The following DLC1 variants were observed in gnomAD, a reference collection of about 807,000 sequenced individuals.
DLC1 encodes DLC1 Rho GTPase activating protein, also known as rho GTPase-activating protein 7.
Under a neutral mutation model 140.3 loss-of-function variants are expected in DLC1, and 54 were observed. The ratio of observed to expected loss-of-function variants is 0.38; its 90% CI spans 0.31 to 0.48. The LOEUF is 0.48. Among genes scored for constraint, DLC1 ranks in the 20% least tolerant of loss-of-function variants. The probability of loss-of-function intolerance (pLI) is 0.96; values close to 1 mark genes in which losing one functional copy is unlikely to be tolerated. For synonymous variants in DLC1, 986 were observed against 728.1 expected, an observed-to-expected ratio of 1.35 and a Z score of -5.70; for missense variants, 2,536 against 1,907.0, an observed-to-expected ratio of 1.33 and a Z score of -6.14.
chr8:13,265,389 T>TG (rs1175141712), intron 5 of DLC1, among the ~76,000 whole-genome samples: 1 of 152,250 alleles, frequency 6.6e-6, no homozygotes, highest in East Asian at 1.9e-4. Flanking sequence ...TGGGAGTATG[T>TG]GTGGGTAGGT....
chr8:13,401,919 G>A (rs969331551), intron 2 of DLC1, among the ~76,000 whole-genome samples: 1 of 152,042 alleles, frequency 6.6e-6, no homozygotes, highest in African/African-American at 2.4e-5. Flanking sequence ...ACCTATTTTT[G>A]GGAAAGGTTA....
intron 13 of DLC1, among the ~76,000 whole-genome samples, 175 bp downstream of exon 13, chr8:13,092,437 C>T (rs1047285835): frequency 6.6e-6 from 1 of 152,132 alleles, no homozygotes; most frequent in African/African-American, 2.4e-5. Flanking sequence ...TTCTCATGCA[C>T]GCCAACAGAC....
chr8:13,527,836 G>A (rs1182025024), intron 1 of DLC1, among the ~76,000 whole-genome samples: 1 of 152,114 alleles, frequency 6.6e-6, no homozygotes, highest in Non-Finnish European at 1.5e-5. Context: ...AGAATCCTTA[G>A]CTTTAATGGA....
rs930148837 is a variant in DLC1, at chr8:13,122,172, G to A, written c.1349-6515C>T. 2.0e-5 allele frequency among the ~76,000 whole-genome samples: 3 copies of A among 152,082 alleles called. No homozygotes were observed. In the East Asian group the frequency reaches 5.8e-4, roughly 29 times the overall value. On this transcript the variant is annotated intron_variant, in intron 5 of 17. Coordinates refer to ENST00000276297, the MANE Select transcript of DLC1 (RefSeq NM_182643.3). ...ACATATTTCATTATGTCACTCCCCT[G>A]CTTAGAATTCTTTAGTGACTTTCCA...
intron 5 of DLC1, among the ~76,000 whole-genome samples, chr8:13,121,179 C>T (rs1199558299): frequency 2.0e-5 from 3 of 152,114 alleles, no homozygotes; most frequent in Non-Finnish European, 4.4e-5. Flanking sequence ...ATTTGATAGA[C>T]ATATGGGCAA....
intron 14 of DLC1, among the ~76,000 whole-genome samples, chr8:13,090,703 T>TA (rs1817983728): frequency 6.6e-6 from 1 of 152,198 alleles, no homozygotes; most frequent in African/African-American, 2.4e-5. Context: ...TTTGGAAAGT[T>TA]AGAGTAGGGG....
At chr8:13,192,704 G>T (rs1200434371) in intron 5 of DLC1, among the ~76,000 whole-genome samples, 1 of 152,156 alleles carries the variant, frequency 6.6e-6, no homozygotes, top group East Asian at 1.9e-4. Context: ...GAGGTGAGTG[G>T]GTTAAAATGA....
chr8:13,120,340 C>T (rs1345740305), intron 5 of DLC1, among the ~76,000 whole-genome samples: 4 of 9,202 alleles, frequency 4.3e-4, no homozygotes, highest in South Asian at 5.1e-3. Context: ...GAGACTCCGT[C>T]GCAAAAAAAA....
chr8:13,499,853 A>G lies in DLC1; in HGVS notation c.219T>C (p.Phe73=). The G allele has an allele frequency of 1.9e-6, 3 of 1,614,126 alleles. No individual in the cohort carries two copies. Among genetic ancestry groups the G allele is most frequent in the Non-Finnish European group, 2.5e-6 (3 of 1,180,012 alleles). The change falls in exon 2 of 18, where the codon TTT becomes TTC. Residue 73 remains phenylalanine, a synonymous_variant. Transcript: ENST00000276297. ...DCCHGSELRD[F]PGRPMGHLSK... The stretch of plus-strand genomic sequence containing the variant: ...AAAGATGACCCATTGGCCTCCCAGG[A>G]AAATCTCTCAGCTCTGATCCATGAC...
chr8:13,132,098 A>T (rs912935462), intron 5 of DLC1, among the ~76,000 whole-genome samples: 2 of 152,090 alleles, frequency 1.3e-5, no homozygotes, highest in Admixed American at 6.5e-5. Flanking sequence ...TCTCCGGCCC[A>T]GGAACTCGCT....
chr8:13,550,355 G>A (rs1157077935), intron 1 of DLC1, among the ~76,000 whole-genome samples: 1 of 151,998 alleles, frequency 6.6e-6, no homozygotes, highest in Non-Finnish European at 1.5e-5. Context: ...GTTTCCTGAG[G>A]CCTCCCCAGC....
chr8:13,336,850 AC>A (rs1421794359), intron 4 of DLC1, among the ~76,000 whole-genome samples: 1 of 151,814 alleles, frequency 6.6e-6, no homozygotes, highest in Non-Finnish European at 1.5e-5. Context: ...ATTGATGGTA[AC>A]CCAGGGAAAC....
intron 5 of DLC1, among the ~76,000 whole-genome samples, chr8:13,174,099 T>A (rs1825635729): frequency 6.6e-6 from 1 of 152,026 alleles, no homozygotes; most frequent in Non-Finnish European, 1.5e-5. Flanking sequence ...CACTTATGAG[T>A]GGGGACTGTG....
At chr8:13,596,488 C>T (rs1033695193) in intron 1 of DLC1, among the ~76,000 whole-genome samples, 3 of 151,916 alleles carry the variant, frequency 2.0e-5, no homozygotes, top group Non-Finnish European at 4.4e-5. Context: ...AGAGGCCTTT[C>T]TTAAAGGTAA....
At chr8:13,305,848 C>G (rs1288049745) in intron 4 of DLC1, among the ~76,000 whole-genome samples, 1 of 152,126 alleles carries the variant, frequency 6.6e-6, no homozygotes, top group Non-Finnish European at 1.5e-5. Flanking sequence ...AACAAACAAA[C>G]TAACAACATT....
intron 4 of DLC1, among the ~76,000 whole-genome samples, chr8:13,350,647 C>T (rs947734710): frequency 5.9e-5 from 9 of 151,970 alleles, no homozygotes; most frequent in Admixed American, 5.2e-4. Context: ...ACCAGGGAGG[C>T]GGAGGTTGCA....
At chr8:13,578,561 G>T (rs1440368751) in intron 1 of DLC1, among the ~76,000 whole-genome samples, 1 of 152,068 alleles carries the variant, frequency 6.6e-6, no homozygotes, top group East Asian at 1.9e-4. Flanking sequence ...AATATTAACA[G>T]GTTGTCATCT....
At chr8:13,298,584 C>G (rs1832055960) in intron 5 of DLC1, among the ~76,000 whole-genome samples, 1 of 152,176 alleles carries the variant, frequency 6.6e-6, no homozygotes, top group Non-Finnish European at 1.5e-5. Context: ...AGAGAAGACA[C>G]ACAGCTAAGC....
intron 1 of DLC1, among the ~76,000 whole-genome samples, chr8:13,582,165 G>A (rs1027419882): frequency 1.3e-5 from 2 of 152,032 alleles, no homozygotes; most frequent in South Asian, 4.2e-4. Context: ...TTTTTCCAAC[G>A]GTTGGGATAT....
Sources: gnomAD v4.1 joint callset for allele counts (sites outside exome capture counted in the v4.1 genomes callset) on GRCh38, gnomAD v4.1.1 for gene constraint, MANE v1.5 for transcripts, NCBI Gene and HGNC (gene_info 2026-07-23, HGNC 2026-07-21) for gene names.